Variants in KANTR observed in about 807,000 individuals in gnomAD.
The protein encoded by KANTR is KANTR integral membrane protein.
intron 2 of KANTR, among the ~76,000 whole-genome samples, chrX:53,140,224 C>G (rs897866691): frequency 1.6e-4 from 18 of 111,719 alleles, no homozygotes; most frequent in African/African-American, 5.9e-4. Flanking sequence ...GGGCCAGGTG[C>G]GGTGGCTCAC....
At chrX:53,126,900 C>T (rs1556816262) in exon 3 of KANTR, 1 of 111,412 alleles carries the variant, frequency 9.0e-6, no homozygotes, top group Non-Finnish European at 1.9e-5. Flanking sequence ...GCTCCCACCT[C>T]CCTCAACAAA....
At chrX:53,140,555 G>T (rs1191915412) in intron 2 of KANTR, among the ~76,000 whole-genome samples, 1 of 106,311 alleles carries the variant, frequency 9.4e-6, no homozygotes, top group Middle Eastern at 4.3e-3. Flanking sequence ...CAACAATTCT[G>T]TTCCTGGGTA....
chrX:53,113,065 A>G, intron 2 of KANTR: 1 of 231,706 alleles, frequency 4.3e-6, no homozygotes, highest in Non-Finnish European at 8.5e-6. Flanking sequence ...ATAATTATGA[A>G]CTTTAACAAG....
At chrX:53,116,114 C>T (rs1933119113) in intron 2 of KANTR, among the ~76,000 whole-genome samples, 1 of 111,927 alleles carries the variant, frequency 8.9e-6, no homozygotes, top group Admixed American at 9.5e-5. Context: ...CTGCTAGCAG[C>T]CTTTTTTCTT....
rs1028794896 is a variant in KANTR at position 53,139,676 on chromosome X, T to C, written n.204-2172T>C. ...CTAGAAAAAATAATTTTTTTTTAAA[T>C]TACCTGGTTGTGGTGGCACATGCCA... On this transcript the variant is annotated intron_variant and non_coding_transcript_variant, in intron 2 of 2. Transcript: ENST00000366185. Among the ~76,000 whole-genome samples the C allele has an allele frequency of 8.0e-4, 89 of 111,231 alleles. 1 individual carries two copies. Among genetic ancestry groups the C allele is most frequent in the Admixed American group, 7.7e-4 (8 of 10,427 alleles).
exon 3 of KANTR, chrX:53,141,916 G>T: frequency 1.9e-6 from 1 of 518,923 alleles, no homozygotes. Flanking sequence ...GAAAACATCA[G>T]CTAAGAAAGG....
chrX:53,143,472 T>TG, downstream of KANTR: 1 of 592,183 alleles, frequency 1.7e-6, no homozygotes, highest in Non-Finnish European at 3.0e-6. Flanking sequence ...GTGCCAGTGA[T>TG]GCGCCCAGAG....
chrX:53,142,642 G>C, exon 3 of KANTR: 2 of 331,274 alleles, frequency 6.0e-6, no homozygotes, highest in Non-Finnish European at 1.2e-5. Context: ...GCTTATTCCA[G>C]TTTTGTGAGG....
At chrX:53,116,273 G>A (rs782208523) in intron 2 of KANTR, among the ~76,000 whole-genome samples, 2 of 112,097 alleles carry the variant, frequency 1.8e-5, no homozygotes, top group South Asian at 3.7e-4. Context: ...GAGGATCTGC[G>A]TAAGAAAGCA....
downstream of KANTR, among the ~76,000 whole-genome samples, chrX:53,129,741 T>C (rs1556816713): frequency 9.0e-6 from 1 of 111,179 alleles, no homozygotes; most frequent in Admixed American, 9.6e-5. Flanking sequence ...GTCTTGCAAA[T>C]GTTCCTTTTT....
At chrX:53,128,135 A>G (rs968321262), downstream of KANTR, among the ~76,000 whole-genome samples, 4 of 111,604 alleles carry the variant, frequency 3.6e-5, no homozygotes, top group African/African-American at 1.3e-4. Flanking sequence ...TCTGTTGTCT[A>G]ATGTGTGACC....
At chrX:53,117,491 T>C (rs1363075468) in intron 2 of KANTR, among the ~76,000 whole-genome samples, 3 of 110,131 alleles carry the variant, frequency 2.7e-5, no homozygotes, top group Non-Finnish European at 3.8e-5. Context: ...TCACTTGCCC[T>C]TTTTGATATA....
At chrX:53,137,827 C>G (rs1556817875) in intron 2 of KANTR, among the ~76,000 whole-genome samples, 1 of 108,800 alleles carries the variant, frequency 9.2e-6, no homozygotes, top group East Asian at 2.9e-4. Flanking sequence ...CATTCTATAT[C>G]TTGTTTTTTG....
intron 1 of KANTR, among the ~76,000 whole-genome samples, chrX:53,095,573 G>C: frequency 9.1e-6 from 1 of 110,289 alleles, no homozygotes; most frequent in Non-Finnish European, 1.9e-5. Flanking sequence ...GTAATATAGA[G>C]AGTAGTAAAG....
At position 53,110,780 on chromosome X, in the gene KANTR, G is replaced by A. The variant is rs371045603; in HGVS notation, c.-805+11172G>A. ...TCTACTAAAAATACAAAAATTAGCC[G>A]GGCGTGGTGGCATGCACCTGTAATC... On this transcript the variant is annotated intron_variant, in intron 2 of 2. Transcript: ENST00000604062. Among the ~76,000 whole-genome samples, 40 of 109,368 alleles carry A rather than the reference G, an allele frequency of 3.7e-4. No individual in the cohort carries two copies. The East Asian group carries it at 4.4e-3, about 12-fold the overall frequency. 95.0% of individuals were successfully genotyped at this position (109,368 alleles called of 115,157 possible).
chrX:53,117,609 G>GTTTT (rs869034016), intron 2 of KANTR, among the ~76,000 whole-genome samples: 35 of 63,854 alleles, frequency 5.5e-4, no homozygotes, highest in African/African-American at 2.1e-3. Context: ...GTGTGTGTGT[G>GTTTT]TTTTTTTTTT....
intron 2 of KANTR, among the ~76,000 whole-genome samples, chrX:53,113,801 G>A (rs1025720839): frequency 1.4e-4 from 15 of 108,395 alleles, no homozygotes; most frequent in African/African-American, 4.7e-4. Context: ...GGCTGGTCTC[G>A]AACTCCTGAC....
At chrX:53,095,006 T>G (rs1345773252) in intron 1 of KANTR, 2 of 112,074 alleles carry the variant, frequency 1.8e-5, no homozygotes, top group Non-Finnish European at 3.8e-5. Context: ...GTGCATAGTT[T>G]ATAGCAATAA....
intron 2 of KANTR, among the ~76,000 whole-genome samples, chrX:53,114,696 G>A (rs1221660901): frequency 1.8e-5 from 2 of 109,992 alleles, no homozygotes; most frequent in Non-Finnish European, 3.8e-5. Flanking sequence ...CTGGATCTGC[G>A]GGAGCCAACT....
Sources: gnomAD v4.1 joint callset for allele counts (sites outside exome capture counted in the v4.1 genomes callset) on GRCh38, gnomAD v4.1.1 for gene constraint, MANE v1.5 for transcripts, NCBI Gene and HGNC (gene_info 2026-07-23, HGNC 2026-07-21) for gene names.